The following SAR1A variants were observed in gnomAD, a reference collection of about 807,000 sequenced individuals.
The protein encoded by SAR1A is small COPII coat GTPase SAR1A.
Under a neutral mutation model 22.6 loss-of-function variants are expected in SAR1A, and 6 were observed. That is an observed-to-expected ratio of 0.27 (90% CI 0.15 to 0.52). The LOEUF is 0.52. Ranked by LOEUF, SAR1A falls within the 20% of genes least tolerant of loss-of-function variation. SAR1A has a pLI of 0.96. For missense variants in SAR1A, 145 were observed against 245.1 expected, an observed-to-expected ratio of 0.59 and a Z score of 2.73; for synonymous variants, 70 against 82.2, an observed-to-expected ratio of 0.85 and a Z score of 0.80.
chr10:70,163,621 T>A (rs1356075269), intron 1 of SAR1A: 7 of 700,440 alleles, frequency 1.0e-5, no homozygotes, highest in African/African-American at 1.8e-5. Flanking sequence ...TCAGTCCAAG[T>A]GGAGCAAGTG....
At chr10:70,152,695 C>CT in intron 6 of SAR1A, 103 bp from the exon 7 acceptor site, 1 of 832,138 alleles carries the variant, frequency 1.2e-6, no homozygotes, top group Non-Finnish European at 2.0e-6. Flanking sequence ...AAAAGCAAAC[C>CT]TAAGTAGGTA....
At chr10:70,158,661 G>A (rs1386749941) in intron 4 of SAR1A, among the ~76,000 whole-genome samples, 1 of 150,570 alleles carries the variant, frequency 6.6e-6, no homozygotes, top group Non-Finnish European at 1.5e-5. Flanking sequence ...GGAAAAAGAG[G>A]TTGAAGGAAC....
chr10:70,168,829 C>T (rs549277288), intron 1 of SAR1A, among the ~76,000 whole-genome samples: 19 of 152,036 alleles, frequency 1.2e-4, no homozygotes, highest in Middle Eastern at 3.4e-3. Flanking sequence ...AAAATGCCCC[C>T]GCCCCCCTTT....
chr10:70,157,039 GC>G (rs1349104387), intron 5 of SAR1A, among the ~76,000 whole-genome samples: 1 of 152,154 alleles, frequency 6.6e-6, no homozygotes, highest in African/African-American at 2.4e-5. Flanking sequence ...AGCTGAGAAT[GC>G]AGATTCAAAA....
At chr10:70,154,875 G>T (rs993989105) in intron 5 of SAR1A, among the ~76,000 whole-genome samples, 2 of 152,186 alleles carry the variant, frequency 1.3e-5, no homozygotes, top group African/African-American at 4.8e-5. Flanking sequence ...GGCAATTTTG[G>T]GCTTGAGCAA....
chr10:70,161,416 C>T, intron 3 of SAR1A: 1 of 613,352 alleles, frequency 1.6e-6, no homozygotes, highest in East Asian at 2.8e-5. Flanking sequence ...CTTTACAGGA[C>T]CAGTGACAAC....
chr10:70,163,346 A>G (rs1245638611), intron 1 of SAR1A, among the ~76,000 whole-genome samples: 1 of 152,240 alleles, frequency 6.6e-6, no homozygotes, highest in Non-Finnish European at 1.5e-5. Context: ...CACATTTTCA[A>G]TGTAGGCAAA....
At chr10:70,170,142 G>C (rs1347861531) in intron 1 of SAR1A, among the ~76,000 whole-genome samples, 1 of 152,138 alleles carries the variant, frequency 6.6e-6, no homozygotes, top group Non-Finnish European at 1.5e-5. Flanking sequence ...GCACGGTACA[G>C]ACAAGAAACT....
Position 70,152,042 on chromosome 10 carries a change from T to A in SAR1A, c.*434A>T, listed in dbSNP as rs1461303614. The A allele has an allele frequency of 4.2e-5, 8 of 192,324 alleles. No homozygotes were observed. The highest frequency in any genetic ancestry group is 3.4e-4 in the Admixed American group (6 of 17,826). The allele number at this position is 192,324 out of a possible 1,614,324, so 11.9% of individuals were successfully genotyped here. On this transcript the variant is annotated 3_prime_UTR_variant, in exon 7 of 7. Coordinates refer to ENST00000373241, the MANE Select transcript of SAR1A (RefSeq NM_020150.5). The stretch of plus-strand genomic sequence containing the variant: ...AGTATCTAAATGTCATTCATTAGTT[T>A]AAAAAAAAAAAAGAATAGAAAACTC...
At chr10:70,155,866 C>G (rs142794554) in intron 5 of SAR1A, among the ~76,000 whole-genome samples, 2 of 152,216 alleles carry the variant, frequency 1.3e-5, no homozygotes, top group East Asian at 1.9e-4. Context: ...TAAAAAGAAA[C>G]AGAGGGAGGA....
intron 1 of SAR1A, among the ~76,000 whole-genome samples, chr10:70,167,219 T>C (rs574175011): frequency 1.3e-5 from 2 of 152,148 alleles, no homozygotes; most frequent in African/African-American, 4.8e-5. Context: ...GGTCTTAAGG[T>C]TTCTCAGCAT....
chr10:70,148,330 G>A lies in SAR1A; in HGVS notation c.*4146C>T, dbSNP rs575972522. 13 of 152,314 alleles carry A rather than the reference G, an allele frequency of 8.5e-5. No individual in the cohort carries two copies. Among genetic ancestry groups the A allele is most frequent in the African/African-American group, 2.6e-4 (11 of 41,552 alleles). The allele number at this position is 152,314 out of a possible 1,614,324, so 9.4% of individuals were successfully genotyped here. A position where few individuals can be genotyped will look rare whatever the true frequency, so the allele number is the denominator to read the frequency against. On this transcript the variant is annotated 3_prime_UTR_variant, in exon 7 of 7. Coordinates refer to ENST00000373241, the MANE Select transcript of SAR1A (RefSeq NM_020150.5). ...GGATAATGCTCCCAGTACTCCCAGT[G>A]ACACAAACCTGCTAGAGAAAGGAAA...
rs1839290324 is a variant in SAR1A at position 70,148,530 on chromosome 10, T to C, written c.*3946A>G. The C allele has an allele frequency of 6.6e-6, 1 of 152,166 alleles. No individual in the cohort carries two copies. Among genetic ancestry groups the C allele is most frequent in the African/African-American group, 2.4e-5 (1 of 41,434 alleles). The allele number at this position is 152,166 out of a possible 1,614,324, so 9.4% of individuals were successfully genotyped here. A position where few individuals can be genotyped will look rare whatever the true frequency, so the allele number is the denominator to read the frequency against. ...TTGGTGGAGCACAGGGGCTCACACT[T>C]GGAATCCCAGCACGTTGGGAGGCTG... On this transcript the variant is annotated 3_prime_UTR_variant, in exon 7 of 7. Transcript: ENST00000373241.
At chr10:70,157,163 G>GGGA (rs547511063) in intron 5 of SAR1A, among the ~76,000 whole-genome samples, 22 of 152,142 alleles carry the variant, frequency 1.4e-4, no homozygotes, top group Admixed American at 2.6e-4. Flanking sequence ...CCAGCACTTT[G>GGGA]GGAGGCCAAG....
At chr10:70,169,958 A>AG (rs1296002736) in intron 1 of SAR1A, among the ~76,000 whole-genome samples, 1 of 152,164 alleles carries the variant, frequency 6.6e-6, no homozygotes, top group Admixed American at 6.5e-5. Context: ...GCCCTGGACT[A>AG]GGGGCCTGTA....
chr10:70,162,311 T>C (rs1839480149), intron 1 of SAR1A, among the ~76,000 whole-genome samples: 1 of 145,176 alleles, frequency 6.9e-6, no homozygotes, highest in Non-Finnish European at 1.5e-5. Flanking sequence ...CTGCACTCAC[T>C]TGGGCAACAG....
At chr10:70,162,379 GGGAAAGGGAAAGGGAAAA>G (rs1839481791) in intron 1 of SAR1A, among the ~76,000 whole-genome samples, 5 of 142,790 alleles carry the variant, frequency 3.5e-5, no homozygotes, top group Admixed American at 7.1e-5. Context: ...GGAAGGGAAA[GGGAAAGGGAAAGGGAAAA>G]GGAAAGGGAA....
intron 1 of SAR1A, among the ~76,000 whole-genome samples, chr10:70,169,524 T>A (rs886912002): frequency 5.3e-5 from 8 of 152,346 alleles, no homozygotes; most frequent in African/African-American, 1.9e-4. Flanking sequence ...CAGGGCTAAA[T>A]GATTCAAACA....
In SAR1A at chr10:70,151,279, A is replaced by C. The variant is rs1383123578; in HGVS notation, c.*1197T>G. 1 of 132,512 alleles carries C rather than the reference A, an allele frequency of 7.5e-6. No homozygotes were observed. Among genetic ancestry groups the C allele is most frequent in the African/African-American group, 2.7e-5 (1 of 36,630 alleles). The allele number at this position is 132,512 out of a possible 1,614,324, so 8.2% of individuals were successfully genotyped here. A position where few individuals can be genotyped will look rare whatever the true frequency, so the allele number is the denominator to read the frequency against. Reference sequence around the variant, plus strand: ...CATACCAAAAAAAAAAAAAAAAAAAAAAAAACCTGGAAAAGCTACAGATGT... The same window carrying C: ...CATACCAAAAAAAAAAAAAAAAAAACAAAAACCTGGAAAAGCTACAGATGT... On this transcript the variant is annotated 3_prime_UTR_variant, in exon 7 of 7. Coordinates refer to ENST00000373241, the MANE Select transcript of SAR1A (RefSeq NM_020150.5).
Sources: allele counts gnomAD v4.1 joint callset (sites outside exome capture counted in the v4.1 genomes callset), GRCh38; gene constraint gnomAD v4.1.1; transcripts MANE v1.5; gene names NCBI Gene and HGNC (gene_info 2026-07-23, HGNC 2026-07-21).